Variants in LYST observed in about 807,000 individuals in gnomAD.
The protein encoded by LYST is lysosomal trafficking regulator.
LYST carries 192 observed loss-of-function variants against 413.6 expected under a neutral mutation model. That is an observed-to-expected ratio of 0.46 (90% CI 0.41 to 0.52). The LOEUF (loss-of-function observed/expected upper bound fraction) is 0.52, where lower values mean the gene tolerates loss of function less well. Ranked by LOEUF, LYST falls within the 20% of genes least tolerant of loss-of-function variation. The pLI is 0.00. For synonymous variants in LYST, 1,525 were observed against 1,567.3 expected, an observed-to-expected ratio of 0.97 and a Z score of 0.64; for missense variants, 3,815 against 4,499.9, an observed-to-expected ratio of 0.85 and a Z score of 4.35.
intron 6 of LYST, 125 bp downstream of exon 6, chr1:235,805,618 A>G (rs1672742828): frequency 3.1e-6 from 1 of 325,624 alleles, no homozygotes; most frequent in Admixed American, 5.0e-5. Flanking sequence ...TATGTTATAT[A>G]TAACACAATA....
intron 3 of LYST, 33 bp downstream of exon 3, chr1:235,830,193 G>T: frequency 6.8e-7 from 1 of 1,470,058 alleles, no homozygotes; most frequent in Non-Finnish European, 9.5e-7. Context: ...ATCATATATT[G>T]ATGAAAGTAA....
chr1:235,698,981 T>C (rs2103091036), intron 45 of LYST, among the ~76,000 whole-genome samples: 1 of 152,352 alleles, frequency 6.6e-6, no homozygotes, highest in Non-Finnish European at 1.5e-5. Context: ...CAGGAATTCA[T>C]ATAAAAGGAA....
At chr1:235,811,860 G>C (rs2102899639) in intron 4 of LYST, among the ~76,000 whole-genome samples, 1 of 152,164 alleles carries the variant, frequency 6.6e-6, no homozygotes, top group African/African-American at 2.4e-5. Context: ...TTAACAATTT[G>C]TGAATTCTGC....
chr1:235,871,898 G>T (rs1680941461), upstream of LYST, among the ~76,000 whole-genome samples: 1 of 152,062 alleles, frequency 6.6e-6, no homozygotes, highest in Non-Finnish European at 1.5e-5. Flanking sequence ...TACATGTCGG[G>T]GAGGAAATGT....
chr1:235,787,280 A>G lies in LYST; in HGVS notation c.4782T>C (p.His1594=). 6.2e-7 allele frequency: 1 copy of G among 1,613,550 alleles called. No individual in the cohort carries two copies. The highest frequency in any genetic ancestry group is 8.5e-7 in the Non-Finnish European group (1 of 1,179,616). The change falls in exon 14 of 53, where the codon CAT becomes CAC. Residue 1594 remains histidine (H), a synonymous_variant. Transcript: ENST00000389793. Reference sequence around the variant, plus strand: ...GCTGCTGTAAGTAGGTGAGTACTAAATGTTGCCATTTGCTTGGGAGGAAAA... The same window carrying G: ...GCTGCTGTAAGTAGGTGAGTACTAAGTGTTGCCATTTGCTTGGGAGGAAAA... ...ENIFLPSKWQ[H]LVLTYLQQPQ...
chr1:235,824,218 A>G (rs1441316878), intron 3 of LYST, among the ~76,000 whole-genome samples: 1 of 152,248 alleles, frequency 6.6e-6, no homozygotes, highest in Non-Finnish European at 1.5e-5. Flanking sequence ...GTAAAACTTC[A>G]CATTTTACTC....
At chr1:235,730,973 T>C (rs1181192955) in intron 35 of LYST, 30 bp from the exon 36 acceptor site, 4 of 1,605,792 alleles carry the variant, frequency 2.5e-6, no homozygotes, top group Non-Finnish European at 3.4e-6. Context: ...ATATTATCTT[T>C]ATCTAATGAC....
chr1:235,665,194 T>C (rs746483043), intron 50 of LYST, among the ~76,000 whole-genome samples: 14 of 152,142 alleles, frequency 9.2e-5, no homozygotes, highest in Non-Finnish European at 1.3e-4. Context: ...GGTAAAATAA[T>C]CATCTTTGTG....
chr1:235,700,504 A>G (rs1374109915), intron 45 of LYST, among the ~76,000 whole-genome samples: 1 of 152,202 alleles, frequency 6.6e-6, no homozygotes, highest in Non-Finnish European at 1.5e-5. Context: ...ATTGTTTTGA[A>G]CTTCAATAGT....
intron 1 of LYST, among the ~76,000 whole-genome samples, chr1:235,862,848 C>CACACACACACACACAT (rs36022107): frequency 6.8e-6 from 1 of 146,392 alleles, no homozygotes. Flanking sequence ...CACACACACA[C>CACACACACACACACAT]CCCTTCAAGA....
Position 235,686,847 on chromosome 1 carries a change from C to T in LYST, c.10800+102G>A. The T allele has an allele frequency of 1.1e-6, 1 of 883,338 alleles. No homozygotes were observed. Among genetic ancestry groups the T allele is most frequent in the Non-Finnish European group, 1.9e-6 (1 of 515,554 alleles). 54.7% of individuals were successfully genotyped at this position (883,338 alleles called of 1,614,324 possible). ...TGTAGGGAGAAGATTAAGGTATAAA[C>T]ATTTTAAGTTAATCTTATGCAAAGT... On this transcript the variant is annotated intron_variant, in intron 48 of 52. Coordinates refer to ENST00000389793, the MANE Select transcript of LYST (RefSeq NM_000081.4). This position sits in a 1 kb window ranked among gnomAD's most constrained non-coding sequence, Gnocchi z 4.0.
intron 1 of LYST, among the ~76,000 whole-genome samples, chr1:235,879,893 C>T (rs988251936): frequency 5.9e-5 from 9 of 152,298 alleles, no homozygotes; most frequent in African/African-American, 1.7e-4. Flanking sequence ...TGCGCCACCA[C>T]GCCCAGCTAA....
intron 3 of LYST, among the ~76,000 whole-genome samples, chr1:235,823,484 A>G (rs1003101452): frequency 6.6e-6 from 1 of 152,246 alleles, no homozygotes; most frequent in African/African-American, 2.4e-5. Flanking sequence ...CTGAAGAATA[A>G]TTCTCATTGC....
chr1:235,779,961 T>C (rs987688519), intron 16 of LYST, among the ~76,000 whole-genome samples: 1 of 152,178 alleles, frequency 6.6e-6, no homozygotes, highest in African/African-American at 2.4e-5. Flanking sequence ...AGTTTTCTAG[T>C]TGCTATAACG....
intron 24 of LYST, among the ~76,000 whole-genome samples, chr1:235,756,057 ATATCTG>A (rs974141369): frequency 8.8e-5 from 10 of 113,684 alleles, no homozygotes; most frequent in African/African-American, 3.1e-4. Flanking sequence ...ATCTATATCT[ATATCTG>A]TATCTATATC....
chr1:235,821,590 C>A (rs1674757137), intron 3 of LYST, among the ~76,000 whole-genome samples: 1 of 152,124 alleles, frequency 6.6e-6, no homozygotes, highest in Admixed American at 6.5e-5. Context: ...CAGTGATAAA[C>A]ATTATGCTAA....
At chr1:235,759,736 G>A in intron 22 of LYST, 137 bp from the exon 23 acceptor site, 1 of 679,746 alleles carries the variant, frequency 1.5e-6, no homozygotes, top group South Asian at 1.8e-5. Flanking sequence ...AATTTTACAA[G>A]TAACTAATGC....
In LYST at chr1:235,661,604, T is replaced by C. The variant is rs146707746; in HGVS notation, c.*1336A>G. Reference sequence around the variant, plus strand: ...AGAGACTTTGGAATTATATTTTATATGGTTTTTAAGCAGAATGTTTTAGAA... The same window carrying C: ...AGAGACTTTGGAATTATATTTTATACGGTTTTTAAGCAGAATGTTTTAGAA... On this transcript the variant is annotated 3_prime_UTR_variant, in exon 53 of 53. Transcript: ENST00000389793. The C allele has an allele frequency of 2.0e-5, 3 of 152,798 alleles. No individual in the cohort carries two copies. The highest frequency in any genetic ancestry group is 1.9e-4 in the East Asian group (1 of 5,194). The allele number at this position is 152,798 out of a possible 1,614,324, so 9.5% of individuals were successfully genotyped here.
At chr1:235,702,480 G>A (rs1026328373) in intron 45 of LYST, among the ~76,000 whole-genome samples, 1 of 152,138 alleles carries the variant, frequency 6.6e-6, no homozygotes, top group South Asian at 2.1e-4. Context: ...CTTTCCCTGG[G>A]AATAACAATT....
Sources: allele counts gnomAD v4.1 joint callset (sites outside exome capture counted in the v4.1 genomes callset), GRCh38; gene constraint gnomAD v4.1.1; non-coding constraint Gnocchi (gnomAD v3.1); transcripts MANE v1.5; gene names NCBI Gene and HGNC (gene_info 2026-07-23, HGNC 2026-07-21).